The following PCDH9 variants were observed in gnomAD, a reference collection of about 807,000 sequenced individuals.
PCDH9 encodes protocadherin-9.
Under a neutral mutation model 70.6 loss-of-function variants are expected in PCDH9, and 24 were observed. The ratio of observed to expected loss-of-function variants is 0.34; its 90% CI spans 0.25 to 0.48. The LOEUF is 0.48. Among genes scored for constraint, PCDH9 ranks in the 20% least tolerant of loss-of-function variants. PCDH9 has a pLI of 0.99. For missense variants in PCDH9, 1,281 were observed against 1,503.6 expected (o/e 0.85, Z 2.45); for synonymous variants, 562 against 558.5 (o/e 1.01, Z -0.09).
chr13:66,464,747 C>T (rs904761065), intron 4 of PCDH9, among the ~76,000 whole-genome samples: 1 of 151,758 alleles, frequency 6.6e-6, no homozygotes, highest in Non-Finnish European at 1.5e-5. Flanking sequence ...AGCACAGCTT[C>T]CTAAATTTGG....
chr13:66,699,424 TG>T (rs1188053385), intron 3 of PCDH9, among the ~76,000 whole-genome samples: 1 of 152,118 alleles, frequency 6.6e-6, no homozygotes, highest in Admixed American at 6.5e-5. Flanking sequence ...TCCTTGCATA[TG>T]TAACTGAGAA....
chr13:67,225,288 T>A (rs2089827502), intron 2 of PCDH9, 117 bp downstream of exon 2: 2 of 1,302,858 alleles, frequency 1.5e-6, no homozygotes, highest in East Asian at 2.3e-5. Context: ...AGTTTTTTTT[T>A]ACCTCTTTCT....
At chr13:66,890,849 T>C (rs894292348) in intron 3 of PCDH9, among the ~76,000 whole-genome samples, 15 of 152,124 alleles carry the variant, frequency 9.9e-5, no homozygotes, top group Admixed American at 3.9e-4. Context: ...TCCTTGTCTG[T>C]TTAACTCTGT....
chr13:66,305,282 T>A (rs539893426), intron 4 of PCDH9, among the ~76,000 whole-genome samples: 1 of 152,048 alleles, frequency 6.6e-6, no homozygotes, highest in Admixed American at 6.6e-5. Flanking sequence ...TCCAAAGACA[T>A]AGATAGATAA....
chr13:67,147,315 A>G (rs1158403047), intron 2 of PCDH9, among the ~76,000 whole-genome samples: 1 of 152,174 alleles, frequency 6.6e-6, no homozygotes, highest in Non-Finnish European at 1.5e-5. Flanking sequence ...GCAATTATTC[A>G]TATCTACTTA....
intron 3 of PCDH9, among the ~76,000 whole-genome samples, chr13:66,632,150 C>T (rs2077580066): frequency 6.6e-6 from 1 of 152,198 alleles, no homozygotes. Flanking sequence ...CCGCCTTGGC[C>T]TCCCAAAGTG....
At chr13:67,122,380 C>T (rs1472096673) in intron 2 of PCDH9, among the ~76,000 whole-genome samples, 1 of 151,966 alleles carries the variant, frequency 6.6e-6, no homozygotes, top group Non-Finnish European at 1.5e-5. Context: ...TCTTTTTTGG[C>T]ATGTTATACA....
At chr13:67,112,071 C>A (rs2086669089) in intron 2 of PCDH9, among the ~76,000 whole-genome samples, 2 of 152,068 alleles carry the variant, frequency 1.3e-5, no homozygotes, top group African/African-American at 4.8e-5. Context: ...TTAGATTATA[C>A]CTGTGTCATT....
intron 3 of PCDH9, among the ~76,000 whole-genome samples, chr13:66,725,020 T>C (rs2078987783): frequency 6.6e-6 from 1 of 152,196 alleles, no homozygotes; most frequent in Non-Finnish European, 1.5e-5. Flanking sequence ...CTCTCCCAGA[T>C]GGCTGACTTC....
intron 2 of PCDH9, among the ~76,000 whole-genome samples, chr13:67,033,978 G>A (rs1056946916): frequency 1.6e-4 from 24 of 151,896 alleles, no homozygotes; most frequent in African/African-American, 5.8e-4. Context: ...AAAGGATTGT[G>A]TTTTTTTGTT....
chr13:66,685,242 A>G (rs181182394), intron 3 of PCDH9, among the ~76,000 whole-genome samples: 86 of 152,284 alleles, frequency 5.6e-4, no homozygotes, highest in African/African-American at 1.9e-3. Context: ...TGCTTTTTGC[A>G]GTCTTGAGAC....
At chr13:66,445,059 A>G (rs1958045271) in intron 4 of PCDH9, among the ~76,000 whole-genome samples, 2 of 147,550 alleles carry the variant, frequency 1.4e-5, no homozygotes, top group South Asian at 4.2e-4. Context: ...TATAATATAT[A>G]TATAATATGT....
intron 3 of PCDH9, among the ~76,000 whole-genome samples, chr13:66,788,788 A>G (rs1220408398): frequency 6.6e-6 from 1 of 151,846 alleles, no homozygotes; most frequent in Non-Finnish European, 1.5e-5. Context: ...GCAGTATTGT[A>G]AAAATCAATG....
rs528135018 is a variant in PCDH9 at position 66,919,384 on chromosome 13, T to C, written c.3037-15779A>G. ...TTCCCCTTGGCATCTGAAGCAAATA[T>C]AACTTCTTTAACATTCATTCATCTG... On this transcript the variant is annotated intron_variant, in intron 2 of 4. Transcript: ENST00000377865. Among the ~76,000 whole-genome samples the C allele has an allele frequency of 7.2e-3, 1,089 of 151,424 alleles. 13 individuals carry two copies. The highest frequency in any genetic ancestry group is 0.025 in the African/African-American group (1,027 of 41,436).
chr13:66,401,360 TC>T (rs111395097), intron 4 of PCDH9, among the ~76,000 whole-genome samples: 4,490 of 138,698 alleles, frequency 0.032, 220 homozygotes, highest in African/African-American at 0.11. Flanking sequence ...AGTTTTTTTT[TC>T]CCCCCCTTTG....
chr13:66,662,825 A>G (rs899096441), intron 3 of PCDH9, among the ~76,000 whole-genome samples: 4 of 152,220 alleles, frequency 2.6e-5, no homozygotes, highest in Non-Finnish European at 5.9e-5. Context: ...AGTATGTTAT[A>G]AGAGAATTAG....
At chr13:66,748,111 G>A (rs1034775723) in intron 3 of PCDH9, among the ~76,000 whole-genome samples, 12 of 152,102 alleles carry the variant, frequency 7.9e-5, no homozygotes, top group African/African-American at 2.4e-4. Flanking sequence ...GATATATCTC[G>A]AAGCATATTG....
At chr13:66,369,324 C>A (rs74516089) in intron 4 of PCDH9, among the ~76,000 whole-genome samples, 3 of 152,212 alleles carry the variant, frequency 2.0e-5, no homozygotes, top group African/African-American at 7.2e-5. Flanking sequence ...TTCTGTATCA[C>A]TTTGATATAC....
chr13:67,112,336 T>A (rs550434830), intron 2 of PCDH9, among the ~76,000 whole-genome samples: 5 of 152,196 alleles, frequency 3.3e-5, no homozygotes, highest in East Asian at 1.9e-4. Context: ...CCATTTAATA[T>A]GTGAAGAAAC....
Sources: gnomAD v4.1 joint callset for allele counts (sites outside exome capture counted in the v4.1 genomes callset) on GRCh38, gnomAD v4.1.1 for gene constraint, MANE v1.5 for transcripts, NCBI Gene and HGNC (gene_info 2026-07-23, HGNC 2026-07-21) for gene names.